DLG2: variants seen among roughly 807,000 people sequenced by gnomAD.
The protein encoded by DLG2 is discs large MAGUK scaffold protein 2, also known as disks large homolog 2.
Under a neutral mutation model 132.5 loss-of-function variants are expected in DLG2, and 45 were observed. That is an observed-to-expected ratio of 0.34 (90% CI 0.27 to 0.44). The LOEUF (loss-of-function observed/expected upper bound fraction) is 0.44, where lower values mean the gene tolerates loss of function less well. Ranked by LOEUF, DLG2 falls within the 20% of genes least tolerant of loss-of-function variation. The pLI is 1.00. For missense variants in DLG2, 1,045 were observed against 1,196.9 expected (o/e 0.87, Z 1.87); for synonymous variants, 424 against 419.6 (o/e 1.01, Z -0.13).
chr11:83,849,328 T>TTAA (rs1196643862), intron 16 of DLG2, among the ~76,000 whole-genome samples: 3 of 141,410 alleles, frequency 2.1e-5, no homozygotes, highest in Admixed American at 6.9e-5. Flanking sequence ...ATATAATAAA[T>TTAA]TAATAAATAA....
intron 6 of DLG2, among the ~76,000 whole-genome samples, chr11:84,774,323 G>A (rs754997981): frequency 6.6e-6 from 1 of 152,004 alleles, no homozygotes; most frequent in Non-Finnish European, 1.5e-5. Flanking sequence ...AATCTTCAAT[G>A]CTCATAGATT....
At chr11:84,441,818 T>G (rs12420970) in intron 7 of DLG2, among the ~76,000 whole-genome samples, 5,181 of 152,196 alleles carry the variant, frequency 0.034, 172 homozygotes, top group South Asian at 0.19. Context: ...AGGGGTCCAG[T>G]TTCAGTTTTC....
At chr11:83,519,739 C>T (rs747587206) in intron 21 of DLG2, among the ~76,000 whole-genome samples, 15 of 152,294 alleles carry the variant, frequency 9.8e-5, no homozygotes, top group South Asian at 4.1e-4. Context: ...CCTATTACTG[C>T]GAAGGGCATA....
intron 18 of DLG2, among the ~76,000 whole-genome samples, chr11:83,678,811 A>C: frequency 6.6e-6 from 1 of 152,142 alleles, no homozygotes; most frequent in East Asian, 1.9e-4. Context: ...GCTTGCCTTG[A>C]ATTTGGTAGA....
At chr11:84,271,950 A>G (rs1349364488) in intron 7 of DLG2, among the ~76,000 whole-genome samples, 1 of 4,310 alleles carries the variant, frequency 2.3e-4, no homozygotes, top group Non-Finnish European at 4.4e-4. Context: ...TGATAATAAC[A>G]AAAAAAAAAA....
intron 14 of DLG2, among the ~76,000 whole-genome samples, chr11:83,955,969 A>C (rs2154151634): frequency 6.6e-6 from 1 of 152,212 alleles, no homozygotes; most frequent in South Asian, 2.1e-4. Flanking sequence ...CAGATGGCCT[A>C]TTGTGGGACC....
chr11:85,304,122 A>G (rs1222672492), intron 3 of DLG2, among the ~76,000 whole-genome samples: 16 of 152,192 alleles, frequency 1.1e-4, no homozygotes, highest in Admixed American at 1.0e-3. Context: ...TTGTTGTTAC[A>G]CCTAGCAGAT....
At chr11:83,972,006 T>C (rs148973341) in intron 12 of DLG2, among the ~76,000 whole-genome samples, 463 of 152,168 alleles carry the variant, frequency 3.0e-3, no homozygotes, top group African/African-American at 0.011. Flanking sequence ...GAACAAAAAC[T>C]TTAAGAAAGA....
chr11:83,560,290 G>A (rs2096589621), intron 19 of DLG2, among the ~76,000 whole-genome samples: 1 of 151,912 alleles, frequency 6.6e-6, no homozygotes, highest in African/African-American at 2.4e-5. Flanking sequence ...GCTAATTTTT[G>A]TATTTTTAGT....
intron 7 of DLG2, among the ~76,000 whole-genome samples, chr11:84,388,731 A>G (rs1408295246): frequency 2.0e-5 from 3 of 152,160 alleles, no homozygotes; most frequent in Non-Finnish European, 4.4e-5. Context: ...GAAGAAGAGA[A>G]TAAAGAAGAA....
intron 6 of DLG2, among the ~76,000 whole-genome samples, chr11:84,898,377 T>C (rs1442240246): frequency 6.6e-6 from 1 of 151,952 alleles, no homozygotes; most frequent in African/African-American, 2.4e-5. Context: ...TAAACCATGC[T>C]TTTTTCGTTA....
At chr11:84,157,298 G>A (rs73517704) in intron 9 of DLG2, among the ~76,000 whole-genome samples, 359 of 152,180 alleles carry the variant, frequency 2.4e-3, no homozygotes, top group African/African-American at 8.1e-3. Context: ...CCAAGCATGT[G>A]TGTATTTATA....
intron 6 of DLG2, among the ~76,000 whole-genome samples, chr11:84,838,464 G>A (rs1331846142): frequency 6.6e-6 from 1 of 151,628 alleles, no homozygotes; most frequent in Non-Finnish European, 1.5e-5. Context: ...TGAAGTATTG[G>A]TGAGGATGAA....
At chr11:85,309,429 C>A (rs200353838) in intron 3 of DLG2, among the ~76,000 whole-genome samples, 150 of 143,306 alleles carry the variant, frequency 1.0e-3, no homozygotes, top group Middle Eastern at 3.5e-3. Context: ...GGTTTTCTAC[C>A]AAAAAAAAAA....
chr11:85,408,487 C>T (rs1374296430), intron 3 of DLG2, among the ~76,000 whole-genome samples: 2 of 151,192 alleles, frequency 1.3e-5, no homozygotes, highest in Non-Finnish European at 2.9e-5. Context: ...TGCTGGTGCA[C>T]TGCACCCACT....
At chr11:84,639,487 C>G (rs2099650404) in intron 6 of DLG2, among the ~76,000 whole-genome samples, 2 of 151,664 alleles carry the variant, frequency 1.3e-5, no homozygotes, top group African/African-American at 2.4e-5. Flanking sequence ...AGTTCTAATA[C>G]TTATTATAAA....
intron 4 of DLG2, among the ~76,000 whole-genome samples, chr11:85,204,052 C>T (rs1263000803): frequency 3.3e-5 from 5 of 151,946 alleles, no homozygotes; most frequent in African/African-American, 7.2e-5. Context: ...TGATAAAGTC[C>T]GTATATGACA....
At chr11:84,101,763 A>T (rs2092546126) in intron 9 of DLG2, among the ~76,000 whole-genome samples, 1 of 152,132 alleles carries the variant, frequency 6.6e-6, no homozygotes, top group South Asian at 2.1e-4. Flanking sequence ...CACTGTAGTT[A>T]GCATCTCAGG....
At chr11:83,528,568 T>C (rs768359888) in intron 21 of DLG2, among the ~76,000 whole-genome samples, 6 of 152,186 alleles carry the variant, frequency 3.9e-5, no homozygotes, top group Non-Finnish European at 8.8e-5. Flanking sequence ...CCTTCTCTTT[T>C]ACCTAAGGCA....
Sources: allele counts gnomAD v4.1 joint callset (sites outside exome capture counted in the v4.1 genomes callset), GRCh38; gene constraint gnomAD v4.1.1; transcripts MANE v1.5; gene names NCBI Gene and HGNC (gene_info 2026-07-23, HGNC 2026-07-21).